Variants in ARHGEF7 observed in about 807,000 individuals in gnomAD.
ARHGEF7 encodes Rho guanine nucleotide exchange factor 7.
ARHGEF7 carries 33 observed loss-of-function variants against 109.8 expected under a neutral mutation model. That is an observed-to-expected ratio of 0.30 (90% CI 0.23 to 0.40). ARHGEF7 has a LOEUF of 0.40. Ranked by LOEUF, ARHGEF7 falls within the 10% of genes least tolerant of loss-of-function variation. ARHGEF7 has a pLI of 1.00. For synonymous variants in ARHGEF7, 458 were observed against 424.6 expected (o/e 1.08, Z -0.97); for missense variants, 938 against 1,098.5 (o/e 0.85, Z 2.07).
At chr13:111,141,356 A>G (rs952281175) in intron 1 of ARHGEF7, among the ~76,000 whole-genome samples, 1 of 137,204 alleles carries the variant, frequency 7.3e-6, no homozygotes, top group Non-Finnish European at 1.6e-5. Context: ...TACCGTCCCC[A>G]TGTTTTTTTT....
chr13:111,301,418 T>C, intron 20 of ARHGEF7, 60 bp from the exon 21 acceptor site: 3 of 1,467,246 alleles, frequency 2.0e-6, no homozygotes, highest in South Asian at 2.3e-5. Context: ...TGGTAAGTTT[T>C]CGTGTGTCCT....
intron 2 of ARHGEF7, 69 bp from the exon 3 acceptor site, chr13:111,205,220 G>A: frequency 7.9e-7 from 1 of 1,262,102 alleles, no homozygotes; most frequent in Non-Finnish European, 1.1e-6. Context: ...GCGTTGCTGG[G>A]AGAACTTAGT....
chr13:111,154,202 G>A (rs927710230), intron 2 of ARHGEF7, among the ~76,000 whole-genome samples: 2 of 152,260 alleles, frequency 1.3e-5, no homozygotes, highest in African/African-American at 4.8e-5. Flanking sequence ...CCCAGGGCAG[G>A]GTGGAGTCTG....
intron 19 of ARHGEF7, chr13:111,292,903 A>G: frequency 2.0e-6 from 2 of 987,410 alleles, no homozygotes; most frequent in Non-Finnish European, 2.4e-6. Flanking sequence ...AGGTGCACAG[A>G]CGGGCGGGCG....
intron 2 of ARHGEF7, among the ~76,000 whole-genome samples, chr13:111,166,611 A>G (rs563232228): frequency 6.6e-6 from 1 of 152,310 alleles, no homozygotes; most frequent in South Asian, 2.1e-4. Flanking sequence ...GATGATTTAC[A>G]GATGGACTAG....
chr13:111,269,750 G>A (rs549504690), intron 9 of ARHGEF7, among the ~76,000 whole-genome samples: 247 of 152,244 alleles, frequency 1.6e-3, no homozygotes, highest in Non-Finnish European at 2.8e-3. Flanking sequence ...GTGCCCTCCC[G>A]AGGTCCCTGC....
intron 2 of ARHGEF7, among the ~76,000 whole-genome samples, chr13:111,187,200 G>A (rs767350336): frequency 7.9e-5 from 12 of 152,212 alleles, no homozygotes; most frequent in African/African-American, 1.2e-4. Context: ...TTATGTGTGG[G>A]TTTGCCAGAA....
intron 1 of ARHGEF7, among the ~76,000 whole-genome samples, chr13:111,132,040 G>T (rs1227978991): frequency 6.6e-6 from 1 of 152,196 alleles, no homozygotes. Context: ...GGAACTGAGC[G>T]GGAGATTAGG....
intron 1 of ARHGEF7, among the ~76,000 whole-genome samples, chr13:111,127,788 G>A (rs531751939): frequency 6.6e-6 from 1 of 151,762 alleles, no homozygotes; most frequent in South Asian, 2.1e-4. Context: ...AAAGACTATA[G>A]GCCAATAACC....
At chr13:111,235,560 AGTT>A (rs1430635552) in intron 6 of ARHGEF7, among the ~76,000 whole-genome samples, 1 of 152,260 alleles carries the variant, frequency 6.6e-6, no homozygotes, top group Non-Finnish European at 1.5e-5. Context: ...GTAAAATTAC[AGTT>A]GTTATAGAAA....
chr13:111,175,063 T>C (rs1317766343), intron 2 of ARHGEF7, among the ~76,000 whole-genome samples: 1 of 152,246 alleles, frequency 6.6e-6, no homozygotes, highest in African/African-American at 2.4e-5. Context: ...GATTGTAGCC[T>C]TTCCACAAGG....
chr13:111,305,252 A>G lies in ARHGEF7; in HGVS notation c.*2139A>G, dbSNP rs1372482231. On this transcript the variant is annotated 3_prime_UTR_variant, in exon 22 of 22. Transcript: ENST00000646102. ...AGGGAGCAGGAAAAATGCGTCTGAG[A>G]GCAACTCTTTTTAAAAACCTGCCCT... 1 of 152,208 alleles carries G rather than the reference A, an allele frequency of 6.6e-6. No homozygotes were observed. The highest frequency in any genetic ancestry group is 1.5e-5 in the Non-Finnish European group (1 of 68,054). The allele number at this position is 152,208 out of a possible 1,614,324, so 9.4% of individuals were successfully genotyped here. A position where few individuals can be genotyped will look rare whatever the true frequency, so the allele number is the denominator to read the frequency against.
chr13:111,252,625 A>G (rs1435843913), intron 8 of ARHGEF7, among the ~76,000 whole-genome samples: 1 of 152,222 alleles, frequency 6.6e-6, no homozygotes, highest in African/African-American at 2.4e-5. Flanking sequence ...CTGCCTTACT[A>G]TAAATATGTA....
At position 111,275,613 on chromosome 13, in the gene ARHGEF7, G is replaced by T. The variant is rs768458916; in HGVS notation, c.1354G>T (p.Asp452Tyr). Residue 452 changes from aspartate (D) to tyrosine (Y), a missense_variant, in exon 12 of 22, where the codon GAC becomes TAC. Transcript: ENST00000646102. ...TEAIRNWEGD[D>Y]IKTLGNVTYM... ...AGCCATCCGGAACTGGGAGGGCGATGACATTAAAACTCTGGGCAACGTCAC... is the reference window on the plus strand; with the variant it reads ...AGCCATCCGGAACTGGGAGGGCGATTACATTAAAACTCTGGGCAACGTCAC... The T allele has an allele frequency of 1.2e-6, 2 of 1,614,158 alleles. No individual in the cohort carries two copies. The highest frequency in any genetic ancestry group is 2.2e-5 in the South Asian group (2 of 91,078).
rs751436710 is a variant in ARHGEF7, at chr13:111,166,649, A to G, written c.252+12658A>G. On this transcript the variant is annotated intron_variant, in intron 2 of 21. Coordinates refer to ENST00000646102, the MANE Select transcript of ARHGEF7 (RefSeq NM_001354046.2). ...GGGGTATGCAGGAGAGGAGTCAAGG[A>G]GGACCAAGGGTTTGGCCTGAGCAGT... is the stretch of plus-strand genomic sequence containing the variant. 5.6e-4 allele frequency among the ~76,000 whole-genome samples: 86 copies of G among 152,350 alleles called. 2 individuals carry two copies. Among genetic ancestry groups the G allele is most frequent in the Non-Finnish European group, 1.5e-4 (10 of 68,028 alleles).
chr13:111,279,223 A>G (rs943686448), intron 13 of ARHGEF7, among the ~76,000 whole-genome samples: 2 of 152,330 alleles, frequency 1.3e-5, no homozygotes, highest in East Asian at 3.9e-4. Flanking sequence ...GCTTGGCCAC[A>G]GAAGTGTCCA....
At chr13:111,298,271 T>G (rs925918005) in intron 19 of ARHGEF7, among the ~76,000 whole-genome samples, 5 of 152,270 alleles carry the variant, frequency 3.3e-5, no homozygotes, top group African/African-American at 1.2e-4. Flanking sequence ...ATTAACATTT[T>G]CTGGTAGAAA....
At chr13:111,159,174 G>A in intron 2 of ARHGEF7, 1 of 675,004 alleles carries the variant, frequency 1.5e-6, no homozygotes, top group Non-Finnish European at 2.7e-6. Context: ...TTAGCACAAT[G>A]TTCTCCAGGT....
At chr13:111,180,739 A>T (rs1021653605) in intron 2 of ARHGEF7, among the ~76,000 whole-genome samples, 1 of 152,218 alleles carries the variant, frequency 6.6e-6, no homozygotes, top group Non-Finnish European at 1.5e-5. Flanking sequence ...CCAACAAGAG[A>T]ATGAGAGCAG....
Sources: gnomAD v4.1 joint callset for allele counts (sites outside exome capture counted in the v4.1 genomes callset) on GRCh38, gnomAD v4.1.1 for gene constraint, MANE v1.5 for transcripts, NCBI Gene and HGNC (gene_info 2026-07-23, HGNC 2026-07-21) for gene names.